The following TRAPPC9 variants were observed in gnomAD, a reference collection of about 807,000 sequenced individuals.
TRAPPC9 encodes trafficking protein particle complex subunit 9.
Under a neutral mutation model 124.0 loss-of-function variants are expected in TRAPPC9, and 83 were observed. That is an observed-to-expected ratio of 0.67 (90% confidence interval 0.56 to 0.80). The LOEUF is 0.80. Among genes scored for constraint, TRAPPC9 ranks in the 30% least tolerant of loss-of-function variants. The pLI is 0.00. For synonymous variants in TRAPPC9, 638 were observed against 617.5 expected (o/e 1.03, Z -0.49); for missense variants, 1,302 against 1,508.3 (o/e 0.86, Z 2.27).
intron 17 of TRAPPC9, among the ~76,000 whole-genome samples, chr8:140,192,341 G>A (rs570967909): frequency 1.3e-5 from 2 of 152,332 alleles, no homozygotes; most frequent in South Asian, 4.1e-4. Context: ...AGAGTGATGG[G>A]TGCCATATTC....
rs144046998 is a variant in TRAPPC9, at chr8:139,910,284, C to G, written c.2827G>C (p.Asp943His). Reference protein sequence around the residue: ...GECQRMAIQVDKFNFESFPES... With the variant: ...GECQRMAIQVHKFNFESFPES... ...GGGAAACTCTCAAAGTTGAACTTGT[C>G]CACTTGAATAGCCATTCTACGAGAA... The change falls in exon 20 of 23, where the codon GAC becomes CAC. Residue 943 changes from aspartate to histidine, a missense_variant. Physicochemically the swap from Asp to His is moderately conservative, Grantham distance 81. Around this residue, in one of 3 missense-constraint regions of TRAPPC9, gnomAD observed 640 missense variants for 679.3 expected, o/e 0.94. Coordinates refer to ENST00000438773, the MANE Select transcript of TRAPPC9 (RefSeq NM_001160372.4). The G allele has an allele frequency of 9.5e-5, 154 of 1,614,186 alleles. No homozygotes were observed. In the East Asian group the frequency reaches 1.4e-3, roughly 15 times the overall value.
At chr8:139,886,080 TC>T (rs1829998555) in intron 20 of TRAPPC9, 111 bp from the exon 21 acceptor site, 6 of 1,001,532 alleles carry the variant, frequency 6.0e-6, no homozygotes, top group Non-Finnish European at 9.3e-6. Context: ...AGCAGATGTC[TC>T]CCCTCTTCTG....
chr8:139,978,903 G>T (rs57520691), intron 19 of TRAPPC9, among the ~76,000 whole-genome samples: 7,068 of 152,010 alleles, frequency 0.046, 591 homozygotes, highest in African/African-American at 0.16. Context: ...GAGCACTCTG[G>T]TTTTTTTTCC....
At chr8:139,897,508 G>A (rs964431950) in intron 20 of TRAPPC9, among the ~76,000 whole-genome samples, 6 of 152,188 alleles carry the variant, frequency 3.9e-5, no homozygotes, top group Admixed American at 6.5e-5. Flanking sequence ...GGGAGAGGAA[G>A]GGACAGTACC....
chr8:140,359,241 A>T (rs1396370231), intron 9 of TRAPPC9, among the ~76,000 whole-genome samples: 1 of 152,102 alleles, frequency 6.6e-6, no homozygotes, highest in African/African-American at 2.4e-5. Context: ...AGTACGTCCC[A>T]ATACACTCTG....
In TRAPPC9 at chr8:140,230,903, G is replaced by A. The variant is rs1392647834; in HGVS notation, c.2432-9320C>T. ...GGCCCTCTTCTGCGGAAATCATCAAGAGAAGTGGAAACTGTGGCTGGGGCT... is the reference window on the plus strand; with the variant it reads ...GGCCCTCTTCTGCGGAAATCATCAAAAGAAGTGGAAACTGTGGCTGGGGCT... On this transcript the variant is annotated intron_variant, in intron 16 of 22. Coordinates refer to ENST00000438773, the MANE Select transcript of TRAPPC9 (RefSeq NM_001160372.4). Among the ~76,000 whole-genome samples, 4 of 152,318 alleles carry A rather than the reference G, an allele frequency of 2.6e-5. No homozygotes were observed. In the East Asian group the frequency reaches 7.7e-4, roughly 29 times the overall value.
chr8:139,980,609 C>T (rs1836827691), intron 19 of TRAPPC9, among the ~76,000 whole-genome samples: 1 of 152,256 alleles, frequency 6.6e-6, no homozygotes, highest in African/African-American at 2.4e-5. Context: ...TCTAACGCTG[C>T]TCTTTAGATC....
At chr8:139,998,982 G>A (rs1030128846) in intron 18 of TRAPPC9, among the ~76,000 whole-genome samples, 2 of 151,986 alleles carry the variant, frequency 1.3e-5, no homozygotes, top group African/African-American at 4.8e-5. Context: ...GCTCTACAAA[G>A]AGATAAAGTT....
intron 4 of TRAPPC9, among the ~76,000 whole-genome samples, chr8:140,428,773 T>C (rs761879138): frequency 6.6e-6 from 1 of 152,188 alleles, no homozygotes; most frequent in Non-Finnish European, 1.5e-5. Flanking sequence ...AAAACTCCAC[T>C]TTCTCTGAAC....
chr8:140,309,961 A>G (rs906590954), intron 10 of TRAPPC9, among the ~76,000 whole-genome samples: 1 of 152,186 alleles, frequency 6.6e-6, no homozygotes, highest in Non-Finnish European at 1.5e-5. Flanking sequence ...TGCTCTTCAG[A>G]ACACCTTAAA....
chr8:140,036,759 C>G (rs568317707), intron 17 of TRAPPC9, among the ~76,000 whole-genome samples: 12 of 152,174 alleles, frequency 7.9e-5, no homozygotes, highest in Admixed American at 5.9e-4. Flanking sequence ...GCGGAGCGAC[C>G]CTCACCTGAT....
chr8:140,386,851 A>G (rs1160065862), intron 7 of TRAPPC9, among the ~76,000 whole-genome samples: 1 of 152,248 alleles, frequency 6.6e-6, no homozygotes, highest in Non-Finnish European at 1.5e-5. Flanking sequence ...AAGAGCCTGC[A>G]TTGCCAAGTC....
intron 11 of TRAPPC9, among the ~76,000 whole-genome samples, chr8:140,291,490 G>C (rs1220282482): frequency 6.6e-6 from 1 of 152,230 alleles, no homozygotes; most frequent in East Asian, 1.9e-4. Flanking sequence ...TGAGAGGGGA[G>C]TCTTCTCCTC....
At chr8:139,765,013 A>AC (rs1820493842) in intron 21 of TRAPPC9, among the ~76,000 whole-genome samples, 2 of 152,094 alleles carry the variant, frequency 1.3e-5, no homozygotes, top group Non-Finnish European at 2.9e-5. Flanking sequence ...GCCACATAAG[A>AC]CAATTCATTC....
chr8:140,371,651 G>T (rs1399599413), intron 7 of TRAPPC9, among the ~76,000 whole-genome samples: 1 of 152,070 alleles, frequency 6.6e-6, no homozygotes. Context: ...TTTCATCCAA[G>T]ACCCAACTGA....
chr8:140,281,204 G>A (rs1258561636), intron 14 of TRAPPC9, among the ~76,000 whole-genome samples: 2 of 152,198 alleles, frequency 1.3e-5, no homozygotes, highest in African/African-American at 4.8e-5. Context: ...AACTTCTGAA[G>A]AAACTGCCAA....
chr8:140,112,336 A>G (rs959290347), intron 17 of TRAPPC9, among the ~76,000 whole-genome samples: 1 of 148,106 alleles, frequency 6.8e-6, no homozygotes, highest in Non-Finnish European at 1.5e-5. Flanking sequence ...ATTCCAGACG[A>G]TGGTGGGACA....
At chr8:140,242,136 CAGAGAG>C (rs36214777) in intron 16 of TRAPPC9, among the ~76,000 whole-genome samples, 42 of 146,252 alleles carry the variant, frequency 2.9e-4, no homozygotes, top group South Asian at 1.3e-3. Context: ...AAGAGGCAGA[CAGAGAG>C]AGAGAGAGAG....
At chr8:139,763,420 A>G (rs1820366484) in intron 21 of TRAPPC9, among the ~76,000 whole-genome samples, 1 of 152,212 alleles carries the variant, frequency 6.6e-6, no homozygotes, top group African/African-American at 2.4e-5. Flanking sequence ...TGGAAGCTAC[A>G]GCCCCTCTCC....
Sources: gnomAD v4.1 joint callset for allele counts (sites outside exome capture counted in the v4.1 genomes callset) on GRCh38, gnomAD v4.1.1 for gene constraint, gnomAD v4.1.1 regional missense constraint, MANE v1.5 for transcripts, NCBI Gene and HGNC (gene_info 2026-07-23, HGNC 2026-07-21) for gene names.